GRHL2: variants seen among roughly 807,000 people sequenced by gnomAD.
GRHL2 encodes grainyhead like transcription factor 2.
In GRHL2, 21 loss-of-function variants were observed where a neutral mutation model predicts 83.8. That is an observed-to-expected ratio of 0.25 (90% CI 0.18 to 0.36). The LOEUF is 0.36. Among genes scored for constraint, GRHL2 ranks in the 10% least tolerant of loss-of-function variants. The probability of loss-of-function intolerance (pLI) is 1.00; values close to 1 mark genes in which losing one functional copy is unlikely to be tolerated. For missense variants in GRHL2, 623 were observed against 781.8 expected (o/e 0.80, Z 2.42); for synonymous variants, 280 against 278.9 (o/e 1.00, Z -0.04).
chr8:101,618,235 T>A (rs1031695520), intron 8 of GRHL2, among the ~76,000 whole-genome samples: 5 of 152,110 alleles, frequency 3.3e-5, no homozygotes, highest in African/African-American at 1.2e-4. Context: ...GAGGAGAAAT[T>A]TAGCTCATTT....
At chr8:101,642,156 CT>C (rs34302508) in intron 12 of GRHL2, among the ~76,000 whole-genome samples, 14,572 of 152,162 alleles carry the variant, frequency 0.096, 1,376 homozygotes, top group African/African-American at 0.25. Context: ...ATCTGCCCTT[CT>C]TTTCTTGCCT....
chr8:101,493,919 T>C (rs977506371), intron 1 of GRHL2, among the ~76,000 whole-genome samples: 40 of 150,104 alleles, frequency 2.7e-4, no homozygotes, highest in South Asian at 6.4e-4. Context: ...CCGGGGGAGG[T>C]GGGGCCTGGG....
At chr8:101,652,298 T>C (rs66837307) in intron 14 of GRHL2, among the ~76,000 whole-genome samples, 37,324 of 117,392 alleles carry the variant, frequency 0.32, 8,406 homozygotes, top group African/African-American at 0.61. Context: ...TATATACAAA[T>C]GTATATTGGT....
At chr8:101,540,546 G>A (rs1040800298) in intron 1 of GRHL2, among the ~76,000 whole-genome samples, 9 of 152,108 alleles carry the variant, frequency 5.9e-5, no homozygotes, top group Admixed American at 2.0e-4. Flanking sequence ...GAGGCCTAGC[G>A]ACCGGAATTC....
Position 101,649,337 on chromosome 8 carries a change from C to T in GRHL2, c.1613-77C>T, listed in dbSNP as rs561131059. The T allele has an allele frequency of 6.0e-6, 7 of 1,175,064 alleles. No homozygotes were observed. The East Asian group carries it at 9.4e-5, about 16-fold the overall frequency. 72.8% of individuals were successfully genotyped at this position (1,175,064 alleles called of 1,614,324 possible). On this transcript the variant is annotated intron_variant, in intron 13 of 15. Transcript: ENST00000646743. ...GTGCCACTCTCCAACACCTGTGTGA[C>T]AGGAAACAGTCCCCTGGAGCAGCTG...
chr8:101,632,766 A>G (rs771767280), intron 11 of GRHL2, among the ~76,000 whole-genome samples: 44 of 152,368 alleles, frequency 2.9e-4, no homozygotes, highest in Middle Eastern at 3.4e-3. Flanking sequence ...GTCTCCGCTT[A>G]AATAAAACTC....
At chr8:101,558,158 C>A (rs1811525584) in intron 3 of GRHL2, among the ~76,000 whole-genome samples, 1 of 152,170 alleles carries the variant, frequency 6.6e-6, no homozygotes, top group Non-Finnish European at 1.5e-5. Flanking sequence ...AGGCACCGCG[C>A]CTGGCCTCGT....
rs549419811 is a variant in GRHL2, at chr8:101,529,356, C to A, written c.21-13885C>A. 62 of 172,250 alleles carry A rather than the reference C, an allele frequency of 3.6e-4. No individual in the cohort carries two copies. The South Asian group carries it at 7.6e-3, about 21-fold the overall frequency. The allele number at this position is 172,250 out of a possible 1,614,324, so 10.7% of individuals were successfully genotyped here. Reference sequence around the variant, plus strand: ...ACTGAGGCAGGATAATCGCTTGAACCCGGGAGGCGGAGGTTGTGGTGAGCC... The same window carrying A: ...ACTGAGGCAGGATAATCGCTTGAACACGGGAGGCGGAGGTTGTGGTGAGCC... On this transcript the variant is annotated intron_variant, in intron 1 of 15. Transcript: ENST00000646743.
intron 8 of GRHL2, among the ~76,000 whole-genome samples, chr8:101,617,649 G>C (rs1159199490): frequency 6.6e-6 from 1 of 152,072 alleles, no homozygotes; most frequent in East Asian, 1.9e-4. Flanking sequence ...GGACTACAGG[G>C]ATGCACCACC....
At chr8:101,576,544 G>A (rs1811937615) in intron 6 of GRHL2, among the ~76,000 whole-genome samples, 1 of 152,146 alleles carries the variant, frequency 6.6e-6, no homozygotes. Context: ...AGGAATGAGA[G>A]TCCATGAAAT....
At chr8:101,629,440 C>CT (rs1375876272) in intron 9 of GRHL2, among the ~76,000 whole-genome samples, 2 of 152,010 alleles carry the variant, frequency 1.3e-5, no homozygotes, top group Admixed American at 1.3e-4. Flanking sequence ...AAGTGCGGCT[C>CT]TTTTTATTTC....
chr8:101,648,571 A>G (rs1813559416), intron 13 of GRHL2, among the ~76,000 whole-genome samples: 1 of 152,074 alleles, frequency 6.6e-6, no homozygotes, highest in Non-Finnish European at 1.5e-5. Context: ...TTTCGCAGAG[A>G]AGACCAAGGC....
intron 14 of GRHL2, among the ~76,000 whole-genome samples, chr8:101,654,879 G>GTCT (rs1173079180): frequency 6.6e-6 from 1 of 152,108 alleles, no homozygotes; most frequent in African/African-American, 2.4e-5. Flanking sequence ...TTTTGAGTTT[G>GTCT]TCTTCATTAA....
chr8:101,650,795 T>C (rs1352485214), intron 14 of GRHL2, among the ~76,000 whole-genome samples: 1 of 150,526 alleles, frequency 6.6e-6, no homozygotes, highest in Non-Finnish European at 1.5e-5. Context: ...GTTAAAATGG[T>C]GAATTGTGAT....
At chr8:101,615,631 C>A (rs762675652) in intron 8 of GRHL2, among the ~76,000 whole-genome samples, 58 of 152,310 alleles carry the variant, frequency 3.8e-4, no homozygotes, top group Middle Eastern at 3.4e-3. Context: ...TGCTGACATA[C>A]AACTGCATTT....
At chr8:101,524,363 C>T (rs1810757803) in intron 1 of GRHL2, among the ~76,000 whole-genome samples, 1 of 152,120 alleles carries the variant, frequency 6.6e-6, no homozygotes, top group Admixed American at 6.5e-5. Context: ...ATCTTTATTA[C>T]ATCCATCTTT....
At chr8:101,618,389 G>A (rs189280176) in intron 8 of GRHL2, among the ~76,000 whole-genome samples, 17 of 152,148 alleles carry the variant, frequency 1.1e-4, no homozygotes, top group East Asian at 5.8e-4. Context: ...CTCTTGATGC[G>A]CTGTGCTGTA....
chr8:101,538,809 G>C (rs1811095062), intron 1 of GRHL2, among the ~76,000 whole-genome samples: 1 of 152,182 alleles, frequency 6.6e-6, no homozygotes, highest in East Asian at 1.9e-4. Context: ...CTGTGTACCA[G>C]AGAGATTATA....
At chr8:101,630,796 C>T (rs1486957278) in intron 9 of GRHL2, among the ~76,000 whole-genome samples, 7 of 152,034 alleles carry the variant, frequency 4.6e-5, no homozygotes, top group South Asian at 2.1e-4. Context: ...AAGGAACCCA[C>T]GTTGGAATGT....
Sources: allele counts gnomAD v4.1 joint callset (sites outside exome capture counted in the v4.1 genomes callset), GRCh38; gene constraint gnomAD v4.1.1; transcripts MANE v1.5; gene names NCBI Gene and HGNC (gene_info 2026-07-23, HGNC 2026-07-21).